BAHCC1: variants seen among roughly 807,000 people sequenced by gnomAD.
The protein encoded by BAHCC1 is BAH and coiled-coil domain-containing protein 1.
In BAHCC1, 43 loss-of-function variants were observed where a neutral mutation model predicts 88.2. That is an observed-to-expected ratio of 0.49 (90% CI 0.38 to 0.63). The LOEUF (loss-of-function observed/expected upper bound fraction) is 0.63. Among genes scored for constraint, BAHCC1 ranks in the 20% least tolerant of loss-of-function variants. The probability of loss-of-function intolerance (pLI) is 0.00; values close to 1 mark genes in which losing one functional copy is unlikely to be tolerated. For synonymous variants in BAHCC1, 1,510 were observed against 745.5 expected, an observed-to-expected ratio of 2.03 and a Z score of -16.71; for missense variants, 3,023 against 1,654.8, an observed-to-expected ratio of 1.83 and a Z score of -14.34.
chr17:81,420,738 C>G (rs574693950), intron 2 of BAHCC1, among the ~76,000 whole-genome samples: 1 of 152,372 alleles, frequency 6.6e-6, no homozygotes, highest in South Asian at 2.1e-4. Flanking sequence ...GGGCAGCCAA[C>G]TGGAGGCCAG....
chr17:81,433,618 C>T, intron 3 of BAHCC1, among the ~76,000 whole-genome samples: 1 of 149,144 alleles, frequency 6.7e-6, no homozygotes, highest in African/African-American at 2.5e-5. Context: ...CAGGTGTCAT[C>T]AGTCCACCAA....
chr17:81,427,349 G>A (rs1241190060), intron 3 of BAHCC1, among the ~76,000 whole-genome samples: 2 of 152,180 alleles, frequency 1.3e-5, no homozygotes, highest in Admixed American at 1.3e-4. Flanking sequence ...ACGCTAGGAG[G>A]CGGGCTCCAA....
rs782784821 is a variant in BAHCC1, at chr17:81,441,999, G to A, written c.650G>A (p.Arg217His). ...SLQKGPKDFD[R>H]FLVGKELGRE... is the part of the protein sequence containing the mutation. ...CAGAAGGGCCCCAAGGACTTCGACCGCTTCCTCGTGGGCAAAGAGCTGGGC... is the reference window on the plus strand; with the variant it reads ...CAGAAGGGCCCCAAGGACTTCGACCACTTCCTCGTGGGCAAAGAGCTGGGC... Residue 217 changes from arginine (R) to histidine (H), a missense_variant, in exon 5 of 28, where the codon CGC becomes CAC. Physicochemically the swap from Arg to His is conservative, Grantham distance 29. Transcript: ENST00000675386. The A allele has an allele frequency of 5.0e-5, 37 of 740,282 alleles. 1 individual carries two copies. Among genetic ancestry groups the A allele is most frequent in the Middle Eastern group, 4.6e-4 (2 of 4,314 alleles). The allele number at this position is 740,282 out of a possible 1,614,324, so 45.9% of individuals were successfully genotyped here.
chr17:81,426,447 G>T lies in BAHCC1; in HGVS notation c.179-353G>T, dbSNP rs1331819790. Among the ~76,000 whole-genome samples the T allele has an allele frequency of 2.9e-3, 157 of 53,724 alleles. 17 individuals carry two copies. Among genetic ancestry groups the T allele is most frequent in the African/African-American group, 0.019 (148 of 7,850 alleles). 35.2% of individuals were successfully genotyped at this position (53,724 alleles called of 152,430 possible). On this transcript the variant is annotated intron_variant, in intron 2 of 27. Transcript: ENST00000675386. Reference sequence around the variant, plus strand: ...ATAGTGGTGGGTGATGTGGTTGGGGGTGATGTGGGTGATGTGGTTGGGGGT... The same window carrying T: ...ATAGTGGTGGGTGATGTGGTTGGGGTTGATGTGGGTGATGTGGTTGGGGGT...
intron 9 of BAHCC1, 66 bp from the exon 10 acceptor site, chr17:81,445,288 C>G: frequency 1.4e-6 from 1 of 727,818 alleles, no homozygotes; most frequent in Non-Finnish European, 2.5e-6. Flanking sequence ...AGGATGAACC[C>G]AAGCAGGGGG....
At chr17:81,428,103 G>T (rs953730261) in intron 3 of BAHCC1, among the ~76,000 whole-genome samples, 1 of 152,136 alleles carries the variant, frequency 6.6e-6, no homozygotes, top group Non-Finnish European at 1.5e-5. Context: ...CTTGGGATGC[G>T]GTGGGCAGCA....
In BAHCC1 at chr17:81,461,558, G is replaced by A. The variant is rs1555659395; in HGVS notation, c.6895G>A (p.Gly2299Arg). Residue 2299 changes from glycine to arginine, a missense_variant, in exon 26 of 28, where the codon GGG becomes AGG. Gly to Arg is a moderately radical substitution (Grantham distance 125, BLOSUM62 -2). Transcript: ENST00000675386. Reference sequence around the variant, plus strand: ...CTCCTTCTCGGACGAGGACGAGGACGGGCCGGGGCTGGCGGCCGGCGTGCC... The same window carrying A: ...CTCCTTCTCGGACGAGGACGAGGACAGGCCGGGGCTGGCGGCCGGCGTGCC... ...HSSFSDEDED[G>R]PGLAAGVPSR... is the part of the protein sequence containing the mutation. 11 of 723,492 alleles carry A rather than the reference G, an allele frequency of 1.5e-5. No individual in the cohort carries two copies. The highest frequency in any genetic ancestry group is 2.3e-4 in the Middle Eastern group (1 of 4,380). 44.8% of individuals were successfully genotyped at this position (723,492 alleles called of 1,614,324 possible).
chr17:81,415,247 C>G (rs1330009632), intron 2 of BAHCC1, among the ~76,000 whole-genome samples: 1 of 152,240 alleles, frequency 6.6e-6, no homozygotes, highest in Non-Finnish European at 1.5e-5. Context: ...TTTGCCCATG[C>G]CTGGCTCGGT....
chr17:81,401,300 C>CGGA (rs2063813607), intron 2 of BAHCC1: 1 of 152,722 alleles, frequency 6.5e-6, no homozygotes, highest in South Asian at 2.1e-4. Context: ...CTCCCCAGCA[C>CGGA]TTCCCGGGTT....
At chr17:81,449,978 C>T (rs2064604085) in intron 11 of BAHCC1, among the ~76,000 whole-genome samples, 1 of 152,148 alleles carries the variant, frequency 6.6e-6, no homozygotes, top group African/African-American at 2.4e-5. Context: ...GTGCGTGCCC[C>T]AGCTGTCAGG....
chr17:81,418,132 C>T (rs1226108088), intron 2 of BAHCC1, among the ~76,000 whole-genome samples: 2 of 152,206 alleles, frequency 1.3e-5, no homozygotes, highest in Admixed American at 6.5e-5. Context: ...GGGCGGGCCC[C>T]GTGTCCACCA....
intron 1 of BAHCC1, among the ~76,000 whole-genome samples, chr17:81,397,639 G>C (rs1427622640): frequency 6.6e-6 from 1 of 152,004 alleles, no homozygotes; most frequent in Non-Finnish European, 1.5e-5. Flanking sequence ...AGTCCAGCCC[G>C]GGCAGCCCCT....
intron 14 of BAHCC1, among the ~76,000 whole-genome samples, chr17:81,454,445 C>T (rs975663239): frequency 3.9e-5 from 6 of 152,292 alleles, no homozygotes; most frequent in African/African-American, 7.2e-5. Context: ...CCTTAAGACC[C>T]GCGTGGAGGA....
In BAHCC1 at chr17:81,442,642, C is replaced by T. The variant is rs782360936; in HGVS notation, c.1293C>T (p.Pro431=). Residue 431 remains proline (P), a synonymous_variant, in exon 5 of 28, where the codon CCC becomes CCT. Coordinates refer to ENST00000675386, the MANE Select transcript of BAHCC1 (RefSeq NM_001377448.1). ...KDRHLEGTMA[P]DHAAPYGVSY... Reference sequence around the variant, plus strand: ...GGCACCTGGAGGGAACCATGGCCCCCGACCACGCTGCACCCTATGGAGTCT... The same window carrying T: ...GGCACCTGGAGGGAACCATGGCCCCTGACCACGCTGCACCCTATGGAGTCT... 1.5e-5 allele frequency: 12 copies of T among 776,276 alleles called. No homozygotes were observed. The highest frequency in any genetic ancestry group is 1.2e-4 in the Admixed American group (7 of 58,682). 48.1% of individuals were successfully genotyped at this position (776,276 alleles called of 1,614,324 possible).
Position 81,451,878 on chromosome 17 carries a change from G to T in BAHCC1, c.4179+8G>T. On this transcript the variant is annotated splice_region_variant and intron_variant, in intron 12 of 27. Transcript: ENST00000675386. The stretch of plus-strand genomic sequence containing the variant: ...ACCCCCAAGACCAAGCCTGTGAGTG[G>T]AGGTCCCAGTGCCCACGTCGCCCAG... The T allele has an allele frequency of 1.4e-6, 1 of 724,878 alleles. No individual in the cohort carries two copies. 44.9% of individuals were successfully genotyped at this position (724,878 alleles called of 1,614,324 possible).
chr17:81,406,622 G>A (rs1036945216), intron 2 of BAHCC1, among the ~76,000 whole-genome samples: 4 of 152,384 alleles, frequency 2.6e-5, no homozygotes, highest in African/African-American at 7.2e-5. Context: ...ATAATATACC[G>A]TTTCGCTCAC....
chr17:81,423,734 G>T (rs553042586), intron 2 of BAHCC1, among the ~76,000 whole-genome samples: 2 of 152,270 alleles, frequency 1.3e-5, no homozygotes, highest in Middle Eastern at 3.4e-3. Flanking sequence ...TGTGTCCTCC[G>T]TGTGCAGGAG....
intron 10 of BAHCC1, 150 bp from the exon 11 acceptor site, chr17:81,446,886 C>G: frequency 1.5e-6 from 1 of 668,140 alleles, no homozygotes; most frequent in Non-Finnish European, 2.7e-6. Flanking sequence ...ACCCTTTCCC[C>G]GCCACCAGTC....
intron 2 of BAHCC1, among the ~76,000 whole-genome samples, chr17:81,405,143 C>G (rs1296781146): frequency 6.6e-6 from 1 of 152,176 alleles, no homozygotes; most frequent in Admixed American, 6.5e-5. Context: ...CACTGCCTCA[C>G]TGCAACCTCT....
Sources: allele counts gnomAD v4.1 joint callset (sites outside exome capture counted in the v4.1 genomes callset), GRCh38; gene constraint gnomAD v4.1.1; transcripts MANE v1.5; gene names NCBI Gene and HGNC (gene_info 2026-07-23, HGNC 2026-07-21).